The following TTC7B variants were observed in gnomAD, a reference collection of about 807,000 sequenced individuals.
TTC7B encodes the protein tetratricopeptide repeat protein 7B.
In TTC7B, 28 loss-of-function variants were observed where a neutral mutation model predicts 106.8. That is an observed-to-expected ratio of 0.26 (90% CI 0.19 to 0.36). The LOEUF is 0.36. TTC7B is among the 10% of genes least tolerant of loss of function. The probability of loss-of-function intolerance (pLI) is 1.00; values close to 1 mark genes in which losing one functional copy is unlikely to be tolerated. For missense variants in TTC7B, 862 were observed against 1,076.4 expected, an observed-to-expected ratio of 0.80 and a Z score of 2.79; for synonymous variants, 405 against 430.6, an observed-to-expected ratio of 0.94 and a Z score of 0.74.
At chr14:90,814,049 A>T (rs1006068226) in intron 1 of TTC7B, among the ~76,000 whole-genome samples, 1 of 152,216 alleles carries the variant, frequency 6.6e-6, no homozygotes, top group African/African-American at 2.4e-5. Context: ...ACTTTTTGCC[A>T]TCAATGGCTA....
At chr14:90,693,775 C>T (rs1240826842) in intron 6 of TTC7B, among the ~76,000 whole-genome samples, 2 of 152,176 alleles carry the variant, frequency 1.3e-5, no homozygotes, top group Non-Finnish European at 2.9e-5. Context: ...TAATATGGTA[C>T]AGCTGCTTTG....
At chr14:90,720,883 T>G (rs932159873) in intron 5 of TTC7B, among the ~76,000 whole-genome samples, 1 of 152,208 alleles carries the variant, frequency 6.6e-6, no homozygotes, top group Non-Finnish European at 1.5e-5. Context: ...ATTTGCTGTC[T>G]CGACCCTAGT....
chr14:90,758,269 G>C (rs924559405), intron 3 of TTC7B, among the ~76,000 whole-genome samples: 2 of 149,718 alleles, frequency 1.3e-5, no homozygotes, highest in African/African-American at 4.9e-5. Context: ...GCAGGAACCA[G>C]TCCTGCAGTC....
intron 5 of TTC7B, chr14:90,698,229 CA>C (rs1887840210): frequency 1.3e-5 from 2 of 152,108 alleles, no homozygotes; most frequent in Admixed American, 1.3e-4. Context: ...GAAAAATGTT[CA>C]AGTACACGGA....
At chr14:90,769,975 C>G (rs562346031) in intron 3 of TTC7B, among the ~76,000 whole-genome samples, 2 of 151,698 alleles carry the variant, frequency 1.3e-5, no homozygotes, top group South Asian at 4.2e-4. Flanking sequence ...ATAGTGAGAC[C>G]CCATCTCTAC....
chr14:90,665,356 C>T (rs561989711), intron 9 of TTC7B, among the ~76,000 whole-genome samples: 22 of 152,308 alleles, frequency 1.4e-4, no homozygotes, highest in East Asian at 5.8e-4. Context: ...ATGTCACTTG[C>T]GAAAACGTTT....
intron 7 of TTC7B, among the ~76,000 whole-genome samples, chr14:90,684,121 C>T (rs1021710031): frequency 2.0e-5 from 3 of 152,056 alleles, no homozygotes; most frequent in South Asian, 4.1e-4. Flanking sequence ...CCTTTTCCGC[C>T]GAGACCTACA....
chr14:90,631,810 T>C (rs533779539), intron 15 of TTC7B, among the ~76,000 whole-genome samples: 2 of 152,346 alleles, frequency 1.3e-5, no homozygotes, highest in East Asian at 3.9e-4. Flanking sequence ...AAATCCATCC[T>C]ACTGGGTATG....
chr14:90,735,638 C>G (rs147621856), intron 4 of TTC7B, among the ~76,000 whole-genome samples: 1 of 151,556 alleles, frequency 6.6e-6, no homozygotes, highest in African/African-American at 2.4e-5. Flanking sequence ...GTGGGTGGAT[C>G]GCTTGAGGTC....
At chr14:90,568,092 G>A (rs1005076382) in intron 19 of TTC7B, among the ~76,000 whole-genome samples, 2 of 152,196 alleles carry the variant, frequency 1.3e-5, no homozygotes, top group African/African-American at 2.4e-5. Context: ...GGCCCAGTTG[G>A]CACAGAATGC....
intron 16 of TTC7B, among the ~76,000 whole-genome samples, chr14:90,614,696 T>C (rs914381287): frequency 6.6e-6 from 1 of 152,258 alleles, no homozygotes; most frequent in Non-Finnish European, 1.5e-5. Flanking sequence ...GCTTCAATTT[T>C]ATTTTCTGTA....
chr14:90,545,094 C>T (rs564416976), intron 19 of TTC7B, among the ~76,000 whole-genome samples: 2 of 152,226 alleles, frequency 1.3e-5, no homozygotes, highest in Non-Finnish European at 2.9e-5. Flanking sequence ...AGAAAGGCCA[C>T]GTTCTTGCCC....
In TTC7B at chr14:90,530,572, C is replaced by T. The variant is rs1889259966; in HGVS notation, c.*10796G>A. On this transcript the variant is annotated 3_prime_UTR_variant, in exon 20 of 20. Coordinates refer to ENST00000328459, the MANE Select transcript of TTC7B (RefSeq NM_001010854.2). ...GTAAGACCAATGTAATCAGGAGGCT[C>T]TTACAAGGGAAAGAGGGAGACAGGA... The T allele has an allele frequency of 6.6e-6, 1 of 152,164 alleles. No homozygotes were observed. The highest frequency in any genetic ancestry group is 2.1e-4 in the South Asian group (1 of 4,826). 9.4% of individuals were successfully genotyped at this position (152,164 alleles called of 1,614,324 possible).
intron 8 of TTC7B, among the ~76,000 whole-genome samples, chr14:90,679,785 C>A (rs897631479): frequency 6.6e-6 from 1 of 152,232 alleles, no homozygotes; most frequent in East Asian, 1.9e-4. Context: ...GTGATAGATA[C>A]ACAGGGCAGA....
intron 19 of TTC7B, among the ~76,000 whole-genome samples, chr14:90,547,037 A>G (rs994710042): frequency 6.6e-6 from 1 of 152,174 alleles, no homozygotes; most frequent in Non-Finnish European, 1.5e-5. Flanking sequence ...ATGCGCACAC[A>G]GACTTCCACC....
At chr14:90,664,379 C>G (rs1371385556) in intron 9 of TTC7B, among the ~76,000 whole-genome samples, 1 of 152,170 alleles carries the variant, frequency 6.6e-6, no homozygotes, top group Non-Finnish European at 1.5e-5. Context: ...AAGCGATTCG[C>G]CTGCCTCAGC....
chr14:90,661,262 C>A (rs904555204), intron 9 of TTC7B, among the ~76,000 whole-genome samples: 1 of 152,182 alleles, frequency 6.6e-6, no homozygotes, highest in East Asian at 1.9e-4. Context: ...CTCACTAGTG[C>A]GGACACCAAG....
chr14:90,770,593 C>T (rs530198931), intron 3 of TTC7B, among the ~76,000 whole-genome samples: 7 of 150,598 alleles, frequency 4.6e-5, no homozygotes, highest in African/African-American at 1.5e-4. Context: ...GCAGAGGTTG[C>T]GGTGAGCCGA....
chr14:90,549,664 G>A (rs1889992617), intron 19 of TTC7B, among the ~76,000 whole-genome samples: 3 of 152,136 alleles, frequency 2.0e-5, no homozygotes, highest in African/African-American at 7.2e-5. Flanking sequence ...GTGGAGGTTG[G>A]GGGTGTGAGT....
Sources: gnomAD v4.1 joint callset for allele counts (sites outside exome capture counted in the v4.1 genomes callset) on GRCh38, gnomAD v4.1.1 for gene constraint, MANE v1.5 for transcripts, NCBI Gene and HGNC (gene_info 2026-07-23, HGNC 2026-07-21) for gene names.